Variants in ANKRD36 observed in about 807,000 individuals in gnomAD.
ANKRD36 encodes the protein ankyrin repeat domain 36.
A neutral mutation model predicts 278.1 loss-of-function variants in ANKRD36; 179 were observed. The observed-to-expected ratio is 0.64, with a 90% CI of 0.57 to 0.73. The LOEUF is 0.73. Ranked by LOEUF, ANKRD36 falls within the 30% of genes least tolerant of loss-of-function variation. ANKRD36 has a pLI of 0.00. For synonymous variants in ANKRD36, 320 were observed against 641.1 expected (o/e 0.50, Z 7.57); for missense variants, 1,159 against 1,956.7 (o/e 0.59, Z 7.69).
chr2:97,221,196 G>A (rs2153652298), intron 66 of ANKRD36, among the ~76,000 whole-genome samples: 1 of 130,378 alleles, frequency 7.7e-6, no homozygotes, highest in South Asian at 2.6e-4. Flanking sequence ...ATTTGGGTTG[G>A]TTCCAAGTCT....
At chr2:97,204,380 A>C in intron 50 of ANKRD36, 117 bp downstream of exon 50, 1 of 1,271,374 alleles carries the variant, frequency 7.9e-7, no homozygotes, top group Non-Finnish European at 1.1e-6. Flanking sequence ...AGCAGTCCTG[A>C]GATTCTTCAT....
intron 6 of ANKRD36, among the ~76,000 whole-genome samples, chr2:97,129,903 G>C (rs573744756): frequency 6.6e-6 from 1 of 152,022 alleles, no homozygotes; most frequent in Admixed American, 6.6e-5. Context: ...GTCAGGTAGC[G>C]TGATGCCTCC....
chr2:97,185,451 A>G lies in ANKRD36; in HGVS notation c.1982A>G (p.Lys661Arg). 2 of 1,610,828 alleles carry G rather than the reference A, an allele frequency of 1.2e-6. No individual in the cohort carries two copies. Among genetic ancestry groups the G allele is most frequent in the Non-Finnish European group, 1.7e-6 (2 of 1,178,478 alleles). ...KQPASKATSD[K>R]TDSALNIATE... The stretch of plus-strand genomic sequence containing the variant: ...AATTACTTTCAGGCTACAAGTGACA[A>G]GACAGATTCTGCTTTGAATATAGCT... Residue 661 changes from lysine to arginine, a missense_variant, in exon 30 of 76, where the codon AAG becomes AGG. Physicochemically the swap from Lys to Arg is conservative, Grantham distance 26. Coordinates refer to ENST00000420699, the MANE Select transcript of ANKRD36 (RefSeq NM_001354587.1).
intron 12 of ANKRD36, among the ~76,000 whole-genome samples, 159 bp downstream of exon 12, chr2:97,149,520 T>A (rs1169290944): frequency 6.6e-6 from 1 of 151,998 alleles, no homozygotes; most frequent in Non-Finnish European, 1.5e-5. Flanking sequence ...AGGGGTTAAT[T>A]TTAATTTTTT....
At chr2:97,229,723 T>A (rs1318955847) in intron 67 of ANKRD36, among the ~76,000 whole-genome samples, 2 of 152,114 alleles carry the variant, frequency 1.3e-5, no homozygotes, top group African/African-American at 4.8e-5. Flanking sequence ...ATGCAGTTTC[T>A]TCCTAGTCTC....
chr2:97,203,623 G>A (rs1051721815), intron 48 of ANKRD36, among the ~76,000 whole-genome samples: 2 of 151,790 alleles, frequency 1.3e-5, no homozygotes, highest in African/African-American at 4.8e-5. Flanking sequence ...TGCCTTCTCA[G>A]TTATTGGGCA....
In ANKRD36 at chr2:97,181,707, C is replaced by A. The variant is rs1175351648; in HGVS notation, c.1765-14C>A. On this transcript the variant is annotated splice_polypyrimidine_tract_variant and intron_variant, in intron 25 of 75. Transcript: ENST00000420699. ...ACTTTACATATTGATTATTTTGTTT[C>A]AAATCCCATTCAGGCTACAAGTGAC... The A allele has an allele frequency of 1.2e-6, 2 of 1,607,834 alleles. No individual in the cohort carries two copies. The highest frequency in any genetic ancestry group is 1.1e-5 in the South Asian group (1 of 90,786).
chr2:97,184,213 A>G (rs2056898715), intron 28 of ANKRD36, among the ~76,000 whole-genome samples: 1 of 151,742 alleles, frequency 6.6e-6, no homozygotes, highest in Non-Finnish European at 1.5e-5. Flanking sequence ...AGATGCATTT[A>G]GAATGTTTGC....
chr2:97,173,942 G>A (rs2053467758), intron 22 of ANKRD36, among the ~76,000 whole-genome samples: 1 of 150,974 alleles, frequency 6.6e-6, no homozygotes, highest in Admixed American at 6.7e-5. Flanking sequence ...GACCCCGATG[G>A]TATATCATGT....
intron 67 of ANKRD36, among the ~76,000 whole-genome samples, chr2:97,232,871 T>C (rs1236419282): frequency 6.6e-6 from 1 of 151,924 alleles, no homozygotes; most frequent in African/African-American, 2.4e-5. Context: ...AGAAGACAAA[T>C]AGGTTGTGAG....
rs550088408 is a variant in ANKRD36 at position 97,161,465 on chromosome 2, T to C, written c.1390-634T>C. On this transcript the variant is annotated intron_variant, in intron 17 of 75. Coordinates refer to ENST00000420699, the MANE Select transcript of ANKRD36 (RefSeq NM_001354587.1). ...CTGTCTGCCCTATACTTTTGGAATG[T>C]TCGTTTTTGTTTCTCTCTTCTCCCC... 1.2e-4 allele frequency among the ~76,000 whole-genome samples: 18 copies of C among 152,226 alleles called. No individual in the cohort carries two copies. In the South Asian group the frequency reaches 3.8e-3, roughly 32 times the overall value.
chr2:97,138,033 A>G (rs1320970945), intron 6 of ANKRD36, among the ~76,000 whole-genome samples: 6 of 152,126 alleles, frequency 3.9e-5, no homozygotes, highest in African/African-American at 1.4e-4. Flanking sequence ...GATTGCAAAC[A>G]TTCCCTCCCA....
At chr2:97,215,663 T>C (rs1233118786) in intron 62 of ANKRD36, 166 bp downstream of exon 62, 23 of 1,533,714 alleles carry the variant, frequency 1.5e-5, no homozygotes, top group Non-Finnish European at 2.0e-5. Flanking sequence ...GTGCTGGTCC[T>C]TGACCATGAT....
Position 97,194,847 on chromosome 2 carries a change from T to C in ANKRD36, c.2481T>C (p.Ala827=), listed in dbSNP as rs1171886854. 1.3e-5 allele frequency: 21 copies of C among 1,591,012 alleles called. No individual in the cohort carries two copies. The East Asian group carries it at 1.8e-4, about 14-fold the overall frequency. ...VSSRKKPALK[A]TSDEKDSFSN... ...ATTTTGTTTCAAATTCCACTCAGGCTACAAGTGATGAGAAGGATTCTTTTT... is the reference window on the plus strand; with the variant it reads ...ATTTTGTTTCAAATTCCACTCAGGCCACAAGTGATGAGAAGGATTCTTTTT... The change falls in exon 40 of 76, where the codon GCT becomes GCC. Residue 827 remains alanine (A), a splice_region_variant and synonymous_variant. Coordinates refer to ENST00000420699, the MANE Select transcript of ANKRD36 (RefSeq NM_001354587.1).
chr2:97,138,392 A>T (rs962355024), intron 6 of ANKRD36, among the ~76,000 whole-genome samples: 7 of 151,984 alleles, frequency 4.6e-5, no homozygotes, highest in African/African-American at 1.7e-4. Context: ...GATTTGAAGG[A>T]CCTCTTTAAG....
chr2:97,158,368 C>T (rs1488082118), intron 16 of ANKRD36, among the ~76,000 whole-genome samples: 1 of 152,160 alleles, frequency 6.6e-6, no homozygotes, highest in African/African-American at 2.4e-5. Flanking sequence ...GCTGGGATTA[C>T]AGGTGTGCAC....
At chr2:97,171,025 G>T (rs2052327155) in intron 22 of ANKRD36, among the ~76,000 whole-genome samples, 1 of 151,480 alleles carries the variant, frequency 6.6e-6, no homozygotes, top group South Asian at 2.1e-4. Flanking sequence ...CAGTTAGAAT[G>T]GCAGTCATTA....
intron 6 of ANKRD36, among the ~76,000 whole-genome samples, chr2:97,137,925 A>T (rs1184813188): frequency 6.6e-6 from 1 of 152,062 alleles, no homozygotes. Flanking sequence ...GTGTCTGTTC[A>T]TATCCTTTGT....
At chr2:97,256,366 A>C (rs1304859549) in intron 75 of ANKRD36, among the ~76,000 whole-genome samples, 4 of 152,204 alleles carry the variant, frequency 2.6e-5, no homozygotes, top group African/African-American at 7.2e-5. Flanking sequence ...TCAAAAAAAA[A>C]AAATTCTGCT....
Sources: allele counts gnomAD v4.1 joint callset (sites outside exome capture counted in the v4.1 genomes callset), GRCh38; gene constraint gnomAD v4.1.1; transcripts MANE v1.5; gene names NCBI Gene and HGNC (gene_info 2026-07-23, HGNC 2026-07-21).